ARSG: variants seen among roughly 807,000 people sequenced by gnomAD.
ARSG encodes arylsulfatase G.
Under a neutral mutation model 50.5 loss-of-function variants are expected in ARSG, and 37 were observed. That is an observed-to-expected ratio of 0.73 (90% CI 0.56 to 0.96). The LOEUF is 0.96. ARSG is among the 50% of genes least tolerant of loss of function. ARSG has a pLI of 0.00. For missense variants in ARSG, 629 were observed against 675.3 expected (o/e 0.93, Z 0.76); for synonymous variants, 225 against 254.6 (o/e 0.88, Z 1.11).
Position 68,386,823 on chromosome 17 carries a change from G to C in ARSG, c.1091+1651G>C, listed in dbSNP as rs143126597. On this transcript the variant is annotated intron_variant, in intron 9 of 11. Coordinates refer to ENST00000621439, the MANE Select transcript of ARSG (RefSeq NM_001267727.2). ...TCAGAGAATGGTGTTTGCACCTACA[G>C]TCAACCATAATAAAACTGCCTCATC... Among the ~76,000 whole-genome samples, 269 of 152,258 alleles carry C rather than the reference G, an allele frequency of 1.8e-3. 2 individuals are homozygous for C. Among genetic ancestry groups the C allele is most frequent in the African/African-American group, 6.2e-3 (257 of 41,558 alleles).
Position 68,401,452 on chromosome 17 carries a change from T to C in ARSG, c.1303+2T>C. Reference sequence around the variant, plus strand: ...GTTACAAGGCCTTCTACATTACCGGTGAGTGAGGGGCCACTTAGCCCTGCC... The same window carrying C: ...GTTACAAGGCCTTCTACATTACCGGCGAGTGAGGGGCCACTTAGCCCTGCC... On this transcript the variant is annotated splice_donor_variant, in intron 11 of 11. Transcript: ENST00000621439. LOFTEE classifies it high-confidence loss of function. The C allele has an allele frequency of 6.2e-7, 1 of 1,612,838 alleles. No homozygotes were observed. Among genetic ancestry groups the C allele is most frequent in the Non-Finnish European group, 8.5e-7 (1 of 1,179,076 alleles).
intron 1 of ARSG, chr17:68,274,032 G>T: frequency 6.2e-7 from 1 of 1,614,068 alleles, no homozygotes; most frequent in South Asian, 1.1e-5. Flanking sequence ...ACTACCAGAC[G>T]GTGTCCGAAA....
At chr17:68,291,791 G>C (rs1457769906) in intron 1 of ARSG, among the ~76,000 whole-genome samples, 2 of 151,336 alleles carry the variant, frequency 1.3e-5, no homozygotes, top group Admixed American at 1.3e-4. Context: ...GCGGGTCCCC[G>C]TCCCCACCCC....
downstream of ARSG, chr17:68,426,238 C>CGGTGGGGGGGGGGGGGGGGG: frequency 1.6e-6 from 1 of 615,202 alleles, no homozygotes; most frequent in Non-Finnish European, 2.3e-6. Context: ...CATGACCTGG[C>CGGTGGGGGGGGGGGGGGGGG]GGGTGGGGAG....
At chr17:68,411,117 A>T (rs2081978284) in intron 11 of ARSG, among the ~76,000 whole-genome samples, 1 of 151,742 alleles carries the variant, frequency 6.6e-6, no homozygotes, top group African/African-American at 2.4e-5. Flanking sequence ...TTGTGTCTCT[A>T]TTTCCTTCAG....
At chr17:68,434,806 T>C in the ARSG span, among the ~76,000 whole-genome samples, 1 of 152,346 alleles carries the variant, frequency 6.6e-6, no homozygotes, top group South Asian at 2.1e-4. Flanking sequence ...GAAAATGTTA[T>C]AAACACCCTC....
At chr17:68,346,267 G>C (rs1008128424) in intron 3 of ARSG, among the ~76,000 whole-genome samples, 2 of 152,126 alleles carry the variant, frequency 1.3e-5, no homozygotes, top group Non-Finnish European at 2.9e-5. Context: ...ACTCCTAGAG[G>C]CCCTTCATCC....
intron 8 of ARSG, among the ~76,000 whole-genome samples, chr17:68,383,314 C>T (rs1181423805): frequency 4.6e-5 from 7 of 152,178 alleles, no homozygotes; most frequent in Non-Finnish European, 7.4e-5. Context: ...TCAGTTTACC[C>T]TTCTGGAAAC....
the ARSG span, among the ~76,000 whole-genome samples, chr17:68,447,741 C>T: frequency 1.1e-3 from 170 of 152,162 alleles, no homozygotes; most frequent in East Asian, 0.022. Context: ...ACCTGTAATC[C>T]CTGCACTTTG....
At position 68,275,969 on chromosome 17, in the gene ARSG, C is replaced by T. The variant is rs1323394063; in HGVS notation, c.-552+16543C>T. On this transcript the variant is annotated intron_variant, in intron 1 of 11. Coordinates refer to the ARSG transcript ENST00000448504. ...CTGCACTCCAGCCTAGGCAACAAAG[C>T]GAGACTCCGTCTCAAAAAAAAAAAA... 4.7e-5 allele frequency among the ~76,000 whole-genome samples: 7 copies of T among 148,566 alleles called. No homozygotes were observed. The East Asian group carries it at 5.9e-4, about 13-fold the overall frequency.
chr17:68,399,968 C>T lies in ARSG; in HGVS notation c.1213-1392C>T, dbSNP rs1356006197. On this transcript the variant is annotated intron_variant, in intron 10 of 11. Transcript: ENST00000621439. The surrounding 1 kb of genome is among the most constrained non-coding windows in gnomAD (Gnocchi z 4.6). Reference sequence around the variant, plus strand: ...ACTTCTTTTCCTGTTTGGAAGGAACCTGCTATCATCATGCGCGCCCTGGGT... The same window carrying T: ...ACTTCTTTTCCTGTTTGGAAGGAACTTGCTATCATCATGCGCGCCCTGGGT... 1.3e-5 allele frequency among the ~76,000 whole-genome samples: 2 copies of T among 152,218 alleles called. No homozygotes were observed. Among genetic ancestry groups the T allele is most frequent in the Non-Finnish European group, 2.9e-5 (2 of 68,038 alleles).
At chr17:68,405,312 C>T (rs2081661267) in intron 11 of ARSG, among the ~76,000 whole-genome samples, 1 of 152,040 alleles carries the variant, frequency 6.6e-6, no homozygotes, top group Admixed American at 6.6e-5. Context: ...TTAAGTCTTC[C>T]AATCCATGAA....
Position 68,368,520 on chromosome 17 carries a change from G to C in ARSG, c.705-28G>C, listed in dbSNP as rs140079343. ...AGATGAGCCAGGAGAGCCTTCTGCA[G>C]AGTCACCTCTTGGTTCTCCTGTTTC... On this transcript the variant is annotated intron_variant, in intron 6 of 11. Coordinates refer to ENST00000621439, the MANE Select transcript of ARSG (RefSeq NM_001267727.2). The C allele has an allele frequency of 9.4e-4, 1,519 of 1,608,422 alleles. 18 individuals carry two copies. In the African/African-American group the frequency reaches 0.019, roughly 20 times the overall value.
intron 5 of ARSG, among the ~76,000 whole-genome samples, chr17:68,353,160 A>G (rs1419822998): frequency 6.6e-6 from 1 of 151,920 alleles, no homozygotes; most frequent in Admixed American, 6.6e-5. Context: ...GTGCAAAAGT[A>G]ATTGCGGTTT....
intron 1 of ARSG, chr17:68,270,749 C>T: frequency 8.9e-7 from 1 of 1,121,430 alleles, no homozygotes; most frequent in Non-Finnish European, 1.3e-6. Context: ...TATAAAACGG[C>T]AGTAAGTTTT....
the ARSG span, among the ~76,000 whole-genome samples, chr17:68,449,324 C>T: frequency 6.6e-5 from 10 of 152,226 alleles, no homozygotes; most frequent in African/African-American, 2.4e-4. Context: ...CACACCAGCA[C>T]AGTGCCTGCC....
At chr17:68,309,514 A>T (rs2076760108) in intron 2 of ARSG, among the ~76,000 whole-genome samples, 1 of 152,196 alleles carries the variant, frequency 6.6e-6, no homozygotes, top group Non-Finnish European at 1.5e-5. Context: ...GCAGTGAGCT[A>T]TGATTGTGCC....
At chr17:68,393,327 C>A (rs1320215840) in intron 9 of ARSG, among the ~76,000 whole-genome samples, 1 of 152,180 alleles carries the variant, frequency 6.6e-6, no homozygotes, top group Non-Finnish European at 1.5e-5. Context: ...CCCTGTAACG[C>A]CCTGGACGAG....
At chr17:68,449,211 T>C in the ARSG span, among the ~76,000 whole-genome samples, 1 of 152,212 alleles carries the variant, frequency 6.6e-6, no homozygotes, top group Non-Finnish European at 1.5e-5. Context: ...ACATAAAGAA[T>C]CTCTTTGTTT....
Sources: gnomAD v4.1 joint callset for allele counts (sites outside exome capture counted in the v4.1 genomes callset) on GRCh38, gnomAD v4.1.1 for gene constraint, Gnocchi (gnomAD v3.1) non-coding constraint, MANE v1.5 for transcripts, NCBI Gene and HGNC (gene_info 2026-07-23, HGNC 2026-07-21) for gene names.